The following NBR1 variants were observed in gnomAD, a reference collection of about 807,000 sequenced individuals.
NBR1 encodes the protein next to BRCA1 gene 1 protein.
In NBR1, 59 loss-of-function variants were observed where a neutral mutation model predicts 115.5. That is an observed-to-expected ratio of 0.51 (90% CI 0.41 to 0.63). NBR1 has a LOEUF of 0.63. NBR1 is among the 30% of genes least tolerant of loss of function. The probability of loss-of-function intolerance (pLI) is 0.00; values close to 1 mark genes in which losing one functional copy is unlikely to be tolerated. For synonymous variants in NBR1, 373 were observed against 414.7 expected, an observed-to-expected ratio of 0.90 and a Z score of 1.22; for missense variants, 1,043 against 1,150.5, an observed-to-expected ratio of 0.91 and a Z score of 1.35.
At chr17:43,204,150 G>A (rs1394308661) in intron 20 of NBR1, among the ~76,000 whole-genome samples, 2 of 151,952 alleles carry the variant, frequency 1.3e-5, no homozygotes, top group Non-Finnish European at 2.9e-5. Context: ...GTGTTAGCCA[G>A]GATGGTCTCA....
At position 43,196,810 on chromosome 17, in the gene NBR1, CT is replaced by C; in HGVS notation, c.1862-129del. 3 of 1,063,042 alleles carry C rather than the reference CT, an allele frequency of 2.8e-6. No individual in the cohort carries two copies. In the South Asian group the frequency reaches 4.6e-5, roughly 16 times the overall value. 65.9% of individuals were successfully genotyped at this position (1,063,042 alleles called of 1,614,324 possible). On this transcript the variant is annotated intron_variant, in intron 15 of 20. Coordinates refer to ENST00000590996, the MANE Select transcript of NBR1 (RefSeq NM_005899.5). ...AATGACTGGTGAATGTTCTTCAGCA[CT>C]TTAAACACCAAGTGCAGACAAAGTT...
intron 9 of NBR1, 141 bp from the exon 10 acceptor site, chr17:43,191,231 A>G: frequency 1.5e-6 from 1 of 659,012 alleles, no homozygotes; most frequent in Non-Finnish European, 2.6e-6. Flanking sequence ...TCCAGCCTAC[A>G]TGACAGAGTG....
chr17:43,204,813 T>TAAAAAAAAAAAA (rs1214948352), intron 20 of NBR1, among the ~76,000 whole-genome samples: 2 of 122,276 alleles, frequency 1.6e-5, no homozygotes, highest in Admixed American at 8.8e-5. Flanking sequence ...GACTCCATCT[T>TAAAAAAAAAAAA]AAAAAAAAAA....
Position 43,210,247 on chromosome 17 carries a change from C to A in NBR1, c.*173C>A, listed in dbSNP as rs1305997278. The A allele has an allele frequency of 4.1e-6, 2 of 492,900 alleles. No homozygotes were observed. The highest frequency in any genetic ancestry group is 3.5e-5 in the East Asian group (1 of 28,712). 30.5% of individuals were successfully genotyped at this position (492,900 alleles called of 1,614,324 possible). A position where few individuals can be genotyped will look rare whatever the true frequency, so the allele number is the denominator to read the frequency against. On this transcript the variant is annotated 3_prime_UTR_variant, in exon 21 of 21. Coordinates refer to ENST00000590996, the MANE Select transcript of NBR1 (RefSeq NM_005899.5). ...AGTATTTTGGGGAGCAAACTAAAGA[C>A]CAGAACTTAAATTTTCACTTTAGAC...
rs536800994 is a variant in NBR1, at chr17:43,186,524, TA to T, written c.402+81del. The T allele has an allele frequency of 8.4e-4, 995 of 1,187,456 alleles. 18 individuals are homozygous for T. In the South Asian group the frequency reaches 0.019, roughly 23 times the overall value. The allele number at this position is 1,187,456 out of a possible 1,614,324, so 73.6% of individuals were successfully genotyped here. ...TAAAGCTGAACAGGTTTCTTTATTT[TA>T]TTTTTTTATTATACTTTAAGTTCTG... On this transcript the variant is annotated intron_variant, in intron 6 of 20. Coordinates refer to ENST00000590996, the MANE Select transcript of NBR1 (RefSeq NM_005899.5).
chr17:43,191,485 AT>A lies in NBR1; in HGVS notation c.978del (p.His326GlnfsTer20). On this transcript the variant is annotated frameshift_variant, in exon 10 of 21. Transcript: ENST00000590996. LOFTEE classifies it high-confidence loss of function. ...VKELKKQLKL[H>X]RKIHLWNSIH... ...GAACTTAAAAAGCAGCTTAAACTCC[AT>A]AGGAAAATTCACCTGTGGAATTCAA... 6.2e-7 allele frequency: 1 copy of A among 1,613,324 alleles called. No individual in the cohort carries two copies. The highest frequency in any genetic ancestry group is 8.5e-7 in the Non-Finnish European group (1 of 1,179,558).
intron 5 of NBR1, among the ~76,000 whole-genome samples, chr17:43,185,473 G>A (rs1236550916): frequency 6.6e-6 from 1 of 152,174 alleles, no homozygotes; most frequent in Non-Finnish European, 1.5e-5. Context: ...GCTGAGGTGG[G>A]AGGATAGTTG....
At chr17:43,182,599 CTT>C (rs150813372) in intron 5 of NBR1, among the ~76,000 whole-genome samples, 1 of 145,350 alleles carries the variant, frequency 6.9e-6, no homozygotes, top group African/African-American at 2.6e-5. Flanking sequence ...ACATGGAATG[CTT>C]TTTTTTTTGT....
intron 7 of NBR1, 88 bp from the exon 8 acceptor site, chr17:43,189,500 C>T (rs1294356876): frequency 2.3e-6 from 2 of 870,942 alleles, no homozygotes; most frequent in Admixed American, 2.1e-5. Flanking sequence ...ATACCAGAGA[C>T]AGTTAGGTTT....
chr17:43,190,440 T>G, intron 8 of NBR1, 169 bp from the exon 9 acceptor site: 1 of 672,784 alleles, frequency 1.5e-6, no homozygotes, highest in South Asian at 1.8e-5. Context: ...TTAAGTGTTA[T>G]TATCCTCATT....
chr17:43,192,985 T>C (rs2056983248), intron 10 of NBR1, 109 bp from the exon 11 acceptor site: 7 of 1,072,318 alleles, frequency 6.5e-6, no homozygotes, highest in Middle Eastern at 3.1e-4. Flanking sequence ...TTAAGGCAAA[T>C]GGGTTAGCAC....
rs546169654 is a variant in NBR1, at chr17:43,205,994, A to G, written c.2727+2208A>G. Among the ~76,000 whole-genome samples the G allele has an allele frequency of 8.6e-5, 13 of 151,556 alleles. 2 individuals are homozygous for G. Among genetic ancestry groups the G allele is most frequent in the African/African-American group, 2.9e-4 (12 of 41,336 alleles). On this transcript the variant is annotated intron_variant, in intron 20 of 20. Transcript: ENST00000590996. ...GGAGTTCGAGACCAGCCTGACCCACATGGTGAAACCCCATCTCTACTAAAA... is the reference window on the plus strand; with the variant it reads ...GGAGTTCGAGACCAGCCTGACCCACGTGGTGAAACCCCATCTCTACTAAAA...
At chr17:43,209,193 C>T (rs2057371426) in intron 20 of NBR1, among the ~76,000 whole-genome samples, 1 of 151,902 alleles carries the variant, frequency 6.6e-6, no homozygotes, top group South Asian at 2.1e-4. Flanking sequence ...TGTCCTGCCT[C>T]AGCCTCCCGA....
Position 43,210,139 on chromosome 17 carries a change from A to G in NBR1, c.*65A>G, listed in dbSNP as rs1465786808. Reference sequence around the variant, plus strand: ...ATGATCTTTATTCTGTCATTGGGGTATGGGATAGAAGCCCTTGCTTATTTT... The same window carrying G: ...ATGATCTTTATTCTGTCATTGGGGTGTGGGATAGAAGCCCTTGCTTATTTT... On this transcript the variant is annotated 3_prime_UTR_variant, in exon 21 of 21. Coordinates refer to ENST00000590996, the MANE Select transcript of NBR1 (RefSeq NM_005899.5). 6.8e-7 allele frequency: 1 copy of G among 1,479,198 alleles called. No homozygotes were observed. The highest frequency in any genetic ancestry group is 2.3e-5 in the East Asian group (1 of 43,304). The allele number at this position is 1,479,198 out of a possible 1,614,324, so 91.6% of individuals were successfully genotyped here. A position where few individuals can be genotyped will look rare whatever the true frequency, so the allele number is the denominator to read the frequency against.
intron 20 of NBR1, among the ~76,000 whole-genome samples, 200 bp downstream of exon 20, chr17:43,203,986 G>A (rs985386913): frequency 4.0e-5 from 6 of 150,740 alleles, no homozygotes; most frequent in East Asian, 3.9e-4. Context: ...TGCCCAGGCT[G>A]GGGTGCAGTG....
Position 43,188,677 on chromosome 17 carries a change from T to C in NBR1, c.403-365T>C, listed in dbSNP as rs552034135. Among the ~76,000 whole-genome samples the C allele has an allele frequency of 3.9e-5, 6 of 152,354 alleles. No homozygotes were observed. The South Asian group carries it at 8.3e-4, about 21-fold the overall frequency. Reference sequence around the variant, plus strand: ...GGGTCCAGTTTCAGTTTTCTACATATGGCTAGCCAGTTTTCCCAGCACCGT... The same window carrying C: ...GGGTCCAGTTTCAGTTTTCTACATACGGCTAGCCAGTTTTCCCAGCACCGT... On this transcript the variant is annotated intron_variant, in intron 6 of 20. Transcript: ENST00000590996.
chr17:43,189,091 C>A lies in NBR1; in HGVS notation c.452C>A (p.Pro151Gln). 1 of 1,613,200 alleles carries A rather than the reference C, an allele frequency of 6.2e-7. No individual in the cohort carries two copies. The highest frequency in any genetic ancestry group is 2.2e-5 in the East Asian group (1 of 44,880). The change falls in exon 7 of 21, where the codon CCA becomes CAA. Residue 151 changes from proline (P) to glutamine (Q), a missense_variant. By Grantham distance (76) the Pro-to-Gln change is moderately conservative. Coordinates refer to ENST00000590996, the MANE Select transcript of NBR1 (RefSeq NM_005899.5). The part of the protein sequence containing the change: ...CDTDQPQDKP[P>Q]DWFTSYLETF... ...ACAGACCAGCCTCAAGACAAGCCCC[C>A]AGACTGGTTCACAAGCTACCTGGAG...
rs143174187 is a variant in NBR1, at chr17:43,206,336, G to A, written c.2727+2550G>A. On this transcript the variant is annotated intron_variant, in intron 20 of 20. Transcript: ENST00000590996. The stretch of plus-strand genomic sequence containing the variant: ...GAGATCTGTTTTTAGTAAGATTACC[G>A]GCTACATTGTAGAGGCTGGTAGAGC... Among the ~76,000 whole-genome samples, 106 of 152,010 alleles carry A rather than the reference G, an allele frequency of 7.0e-4. No individual in the cohort carries two copies. In the East Asian group the frequency reaches 0.018, roughly 26 times the overall value.
chr17:43,189,981 C>T (rs1009648668), intron 8 of NBR1, 179 bp downstream of exon 8: 7 of 615,674 alleles, frequency 1.1e-5, no homozygotes, highest in South Asian at 7.8e-5. Flanking sequence ...TGTAACTATT[C>T]AGATTGTTGT....
Sources: gnomAD v4.1 joint callset for allele counts (sites outside exome capture counted in the v4.1 genomes callset) on GRCh38, gnomAD v4.1.1 for gene constraint, MANE v1.5 for transcripts, NCBI Gene and HGNC (gene_info 2026-07-23, HGNC 2026-07-21) for gene names.